The following TBC1D4 variants were observed in gnomAD, a reference collection of about 807,000 sequenced individuals.
TBC1D4 encodes TBC1 domain family member 4.
A neutral mutation model predicts 142.5 loss-of-function variants in TBC1D4; 121 were observed. The ratio of observed to expected loss-of-function variants is 0.85; its 90% CI spans 0.73 to 0.99. TBC1D4 has a LOEUF of 0.99. Ranked by LOEUF, TBC1D4 falls within the 50% of genes least tolerant of loss-of-function variation. The probability of loss-of-function intolerance (pLI) is 0.00; values close to 1 mark genes in which losing one functional copy is unlikely to be tolerated. For missense variants in TBC1D4, 1,475 were observed against 1,606.6 expected, an observed-to-expected ratio of 0.92 and a Z score of 1.40; for synonymous variants, 630 against 628.2, an observed-to-expected ratio of 1.00 and a Z score of -0.04.
chr13:75,434,139 A>C (rs1449466954), intron 1 of TBC1D4, among the ~76,000 whole-genome samples: 1 of 152,164 alleles, frequency 6.6e-6, no homozygotes, highest in East Asian at 1.9e-4. Context: ...CTACCATTCA[A>C]CTCAGCAATC....
chr13:75,419,529 CAT>C lies in TBC1D4; in HGVS notation c.499-56924_499-56923del, dbSNP rs201539621. ...TTGTATAAAATATATTATCAAAAAT[CAT>C]GTTAAAGGGGGATAAATACTCTTCT... On this transcript the variant is annotated intron_variant, in intron 1 of 20. Coordinates refer to ENST00000377636, the MANE Select transcript of TBC1D4 (RefSeq NM_014832.5). Among the ~76,000 whole-genome samples the C allele has an allele frequency of 3.1e-3, 471 of 152,198 alleles. 2 individuals are homozygous for C. Among genetic ancestry groups the C allele is most frequent in the African/African-American group, 0.011 (452 of 41,512 alleles).
At chr13:75,299,065 C>T (rs1320656714) in intron 17 of TBC1D4, among the ~76,000 whole-genome samples, 4 of 152,178 alleles carry the variant, frequency 2.6e-5, no homozygotes, top group African/African-American at 4.8e-5. Flanking sequence ...GGACTGGGTC[C>T]TCATCACCTA....
chr13:75,425,430 T>C (rs924290276), intron 1 of TBC1D4, among the ~76,000 whole-genome samples: 9 of 152,142 alleles, frequency 5.9e-5, no homozygotes, highest in Non-Finnish European at 1.5e-5. Flanking sequence ...TTCCTCAAAA[T>C]AGAACTACCA....
rs17064257 is a variant in TBC1D4 at position 75,366,260 on chromosome 13, T to G, written c.499-3653A>C. Among the ~76,000 whole-genome samples the G allele has an allele frequency of 4.2e-3, 635 of 152,314 alleles. 4 individuals carry two copies. Among genetic ancestry groups the G allele is most frequent in the African/African-American group, 0.015 (603 of 41,566 alleles). On this transcript the variant is annotated intron_variant, in intron 1 of 20. Transcript: ENST00000377636. The stretch of plus-strand genomic sequence containing the variant: ...CAAACTAGGGACTGACAGGTTTATA[T>G]TCTATCCCCAATATTTTGCTCAAGA...
chr13:75,388,071 C>G (rs930707398), intron 1 of TBC1D4, among the ~76,000 whole-genome samples: 3 of 152,186 alleles, frequency 2.0e-5, no homozygotes, highest in African/African-American at 7.2e-5. Flanking sequence ...CTTGTGGCCC[C>G]CTTCTTCCAC....
chr13:75,333,852 T>A (rs1458162868), intron 8 of TBC1D4, among the ~76,000 whole-genome samples: 1 of 152,212 alleles, frequency 6.6e-6, no homozygotes, highest in African/African-American at 2.4e-5. Context: ...TTCTTGAAGA[T>A]AACAGGCTTG....
intron 7 of TBC1D4, 29 bp downstream of exon 7, chr13:75,341,096 A>T (rs1163042237): frequency 7.0e-6 from 11 of 1,575,532 alleles, no homozygotes; most frequent in Non-Finnish European, 9.6e-6. Context: ...CAACAACAAA[A>T]GTAGGTGAAG....
In TBC1D4 at chr13:75,406,304, T is replaced by A. The variant is rs181331663; in HGVS notation, c.499-43697A>T. On this transcript the variant is annotated intron_variant, in intron 1 of 20. Coordinates refer to ENST00000377636, the MANE Select transcript of TBC1D4 (RefSeq NM_014832.5). ...CTTATAATTCTATTATTTACGTACT[T>A]TACTTAAAACCAAGATCACTGGGCA... is the stretch of plus-strand genomic sequence containing the variant. 1.5e-3 allele frequency among the ~76,000 whole-genome samples: 221 copies of A among 152,334 alleles called. 2 individuals are homozygous for A. The highest frequency in any genetic ancestry group is 5.1e-3 in the African/African-American group (211 of 41,572).
At position 75,465,595 on chromosome 13, in the gene TBC1D4, C is replaced by A. The variant is rs75245355; in HGVS notation, c.498+15675G>T. Among the ~76,000 whole-genome samples the A allele has an allele frequency of 5.7e-3, 864 of 152,234 alleles. 8 individuals carry two copies. The highest frequency in any genetic ancestry group is 0.019 in the African/African-American group (778 of 41,538). On this transcript the variant is annotated intron_variant, in intron 1 of 20. Transcript: ENST00000377636. ...TGCAAAGCAAAAATAGAACTCTAAG[C>A]CCCTACAACCATGTGAATGGACCCT...
intron 1 of TBC1D4, among the ~76,000 whole-genome samples, chr13:75,476,460 T>A (rs1333833083): frequency 6.6e-6 from 1 of 152,216 alleles, no homozygotes; most frequent in Non-Finnish European, 1.5e-5. Context: ...TTTTAGGTTA[T>A]CTGTATTCCC....
intron 17 of TBC1D4, among the ~76,000 whole-genome samples, chr13:75,297,918 T>C (rs1365893917): frequency 2.0e-5 from 3 of 152,130 alleles, no homozygotes; most frequent in Non-Finnish European, 4.4e-5. Flanking sequence ...CTAATGTTGA[T>C]AGCAAAGCCC....
chr13:75,379,652 A>T (rs1188333070), intron 1 of TBC1D4, among the ~76,000 whole-genome samples: 1 of 152,106 alleles, frequency 6.6e-6, no homozygotes, highest in Non-Finnish European at 1.5e-5. Flanking sequence ...AAGACTAAGC[A>T]CTATTAAAAT....
At chr13:75,420,061 A>G (rs747071050) in intron 1 of TBC1D4, among the ~76,000 whole-genome samples, 3 of 152,192 alleles carry the variant, frequency 2.0e-5, no homozygotes, top group Non-Finnish European at 2.9e-5. Flanking sequence ...AGGGAGGAAC[A>G]TATCAGAAGA....
intron 8 of TBC1D4, among the ~76,000 whole-genome samples, chr13:75,330,907 C>T (rs138187604): frequency 1.1e-4 from 17 of 152,216 alleles, no homozygotes; most frequent in Non-Finnish European, 1.6e-4. Context: ...TTATTTTTAG[C>T]GCTACTTACA....
At chr13:75,293,564 T>C (rs1316274016) in intron 18 of TBC1D4, among the ~76,000 whole-genome samples, 1 of 152,206 alleles carries the variant, frequency 6.6e-6, no homozygotes, top group Non-Finnish European at 1.5e-5. Flanking sequence ...AAAGGATTTA[T>C]AGAATACCCA....
At chr13:75,290,117 TTA>T (rs1421844523) in intron 19 of TBC1D4, among the ~76,000 whole-genome samples, 2 of 152,140 alleles carry the variant, frequency 1.3e-5, no homozygotes, top group Non-Finnish European at 2.9e-5. Flanking sequence ...ATATTTTTAA[TTA>T]TAAATCAGGT....
At chr13:75,334,724 C>T (rs957526528) in intron 8 of TBC1D4, among the ~76,000 whole-genome samples, 11 of 151,966 alleles carry the variant, frequency 7.2e-5, no homozygotes, top group Non-Finnish European at 8.8e-5. Flanking sequence ...GCTGGGATTA[C>T]AGGCACGCAA....
intron 8 of TBC1D4, among the ~76,000 whole-genome samples, chr13:75,332,720 G>C (rs910974572): frequency 6.6e-6 from 1 of 152,172 alleles, no homozygotes; most frequent in African/African-American, 2.4e-5. Flanking sequence ...AAATCTCCTA[G>C]ATACTCTTTT....
At chr13:75,307,790 C>G (rs1388416384) in intron 14 of TBC1D4, among the ~76,000 whole-genome samples, 1 of 152,194 alleles carries the variant, frequency 6.6e-6, no homozygotes, top group Admixed American at 6.6e-5. Flanking sequence ...ACTATTCCTT[C>G]CGGATACCAC....
Sources: allele counts gnomAD v4.1 joint callset (sites outside exome capture counted in the v4.1 genomes callset), GRCh38; gene constraint gnomAD v4.1.1; transcripts MANE v1.5; gene names NCBI Gene and HGNC (gene_info 2026-07-23, HGNC 2026-07-21).